ABCA4: variants seen among roughly 807,000 people sequenced by gnomAD.
The protein encoded by ABCA4 is ATP binding cassette subfamily A member 4.
In ABCA4, 196 loss-of-function variants were observed where a neutral mutation model predicts 263.7. The observed-to-expected ratio is 0.74, with a 90% CI of 0.66 to 0.84. ABCA4 has a LOEUF of 0.84. Ranked by LOEUF, ABCA4 falls within the 40% of genes least tolerant of loss-of-function variation. The pLI is 0.00. For synonymous variants in ABCA4, 1,133 were observed against 1,094.2 expected (o/e 1.04, Z -0.70); for missense variants, 2,792 against 2,855.1 (o/e 0.98, Z 0.50).
intron 19 of ABCA4, among the ~76,000 whole-genome samples, chr1:94,046,413 G>A (rs1303752932): frequency 2.4e-5 from 3 of 125,684 alleles, no homozygotes; most frequent in Non-Finnish European, 4.7e-5. Flanking sequence ...AGTGAGCCAA[G>A]ATCGCACCAC....
At position 94,001,937 on chromosome 1, in the gene ABCA4, G is replaced by A. The variant is rs1243623408; in HGVS notation, c.6203C>T (p.Ala2068Val). ...LGLTVYADCL[A>V]GTYSGGNKRK... Reference sequence around the variant, plus strand: ...CTTGTTGCCCCCACTGTACGTGCCAGCCAGGCAGTCGGCGTAGACAGTCAG... The same window carrying A: ...CTTGTTGCCCCCACTGTACGTGCCAACCAGGCAGTCGGCGTAGACAGTCAG... Residue 2068 changes from alanine to valine, a missense_variant, in exon 45 of 50, where the codon GCT becomes GTT. Transcript: ENST00000370225. 1.2e-6 allele frequency: 2 copies of A among 1,614,084 alleles called. No individual in the cohort carries two copies. The highest frequency in any genetic ancestry group is 1.7e-6 in the Non-Finnish European group (2 of 1,180,046).
rs1306685675 is a variant in ABCA4, at chr1:94,036,799, G to T, written c.3814-11C>A. On this transcript the variant is annotated splice_polypyrimidine_tract_variant and intron_variant, in intron 25 of 49. Coordinates refer to ENST00000370225, the MANE Select transcript of ABCA4 (RefSeq NM_000350.3). ...GACCTTCAGAAAAATCTGTCAAGAA[G>T]AAAAAAAGAGAGAATTTTGTTTAGT... The T allele has an allele frequency of 1.2e-6, 2 of 1,613,206 alleles. No homozygotes were observed. The highest frequency in any genetic ancestry group is 2.7e-5 in the African/African-American group (2 of 74,856).
Position 93,998,030 on chromosome 1 carries a change from T to C in ABCA4, c.6560A>G (p.Gln2187Arg), listed in dbSNP as rs1339233014. 33 of 1,614,102 alleles carry C rather than the reference T, an allele frequency of 2.0e-5. No individual in the cohort carries two copies. In the Admixed American group the frequency reaches 5.5e-4, roughly 27 times the overall value. The change falls in exon 48 of 50, where the codon CAG (glutamine) becomes CGG (arginine). Residue 2187 changes from glutamine to arginine, a missense_variant. By Grantham distance (43) the Gln-to-Arg change is conservative. Coordinates refer to ENST00000370225, the MANE Select transcript of ABCA4 (RefSeq NM_000350.3). ...DLLPDLNPVEQFFQGNFPGSV... is the reference protein window; with the variant it reads ...DLLPDLNPVERFFQGNFPGSV... ...GCCTGGGAAGTTCCCCTGGAAGAAC[T>C]GCTCCACAGGGTTCAGGTCAGGAAG...
intron 6 of ABCA4, among the ~76,000 whole-genome samples, chr1:94,097,612 TG>T (rs1473684436): frequency 6.6e-6 from 1 of 152,232 alleles, no homozygotes; most frequent in Non-Finnish European, 1.5e-5. Flanking sequence ...TGGCCTACAA[TG>T]GTCTTCATCA....
rs1483927623 is a variant in ABCA4, at chr1:94,008,352, G to C, written c.5836-55C>G. On this transcript the variant is annotated intron_variant, in intron 41 of 49. Transcript: ENST00000370225. The stretch of plus-strand genomic sequence containing the variant: ...ACTGAGACAGGGTGAGAGCAAGGAG[G>C]GGAAGAGGGAACAAAGAGCAAAGGA... 1.9e-6 allele frequency: 3 copies of C among 1,552,226 alleles called. No homozygotes were observed. The African/African-American group carries it at 4.1e-5, about 21-fold the overall frequency.
intron 1 of ABCA4, among the ~76,000 whole-genome samples, chr1:94,117,000 T>C (rs1369328254): frequency 8.2e-6 from 1 of 122,150 alleles, no homozygotes; most frequent in Non-Finnish European, 1.8e-5. Flanking sequence ...CTTTCTTTCT[T>C]TCTTTCTTTC....
chr1:94,019,327 T>G, intron 36 of ABCA4: 1 of 482,952 alleles, frequency 2.1e-6, no homozygotes, highest in Non-Finnish European at 3.8e-6. Flanking sequence ...GACCCCTCAG[T>G]GCAGGACATA....
At chr1:94,069,575 T>C (rs1332980833) in intron 11 of ABCA4, among the ~76,000 whole-genome samples, 1 of 152,224 alleles carries the variant, frequency 6.6e-6, no homozygotes, top group Non-Finnish European at 1.5e-5. Flanking sequence ...GTGGCCCTGC[T>C]GGTGTCAAGG....
intron 4 of ABCA4, among the ~76,000 whole-genome samples, chr1:94,103,508 GGT>G (rs1374655033): frequency 2.6e-5 from 4 of 152,146 alleles, no homozygotes; most frequent in Admixed American, 2.0e-4. Context: ...GACATTTCTG[GGT>G]GTCACAACTG....
intron 40 of ABCA4, among the ~76,000 whole-genome samples, chr1:94,009,700 T>C (rs181629780): frequency 6.6e-6 from 1 of 152,304 alleles, no homozygotes; most frequent in South Asian, 2.1e-4. Flanking sequence ...GGGACTATGG[T>C]GTACTTCTCT....
intron 16 of ABCA4, among the ~76,000 whole-genome samples, chr1:94,053,558 C>T (rs970842105): frequency 6.6e-6 from 1 of 152,206 alleles, no homozygotes; most frequent in African/African-American, 2.4e-5. Flanking sequence ...AAGGTAGGCA[C>T]CTAATCCAAT....
At position 94,013,649 on chromosome 1, in the gene ABCA4, T is replaced by G. The variant is rs182968403; in HGVS notation, c.5460+894A>C. On this transcript the variant is annotated intron_variant, in intron 38 of 49. Coordinates refer to ENST00000370225, the MANE Select transcript of ABCA4 (RefSeq NM_000350.3). Reference sequence around the variant, plus strand: ...ACAGCCCTGCAGCGACTGCCTTCTTTTTTTCCCCCTCTTTTTATGATTCAG... The same window carrying G: ...ACAGCCCTGCAGCGACTGCCTTCTTGTTTTCCCCCTCTTTTTATGATTCAG... Among the ~76,000 whole-genome samples the G allele has an allele frequency of 5.9e-4, 90 of 152,212 alleles. 1 individual carries two copies. The highest frequency in any genetic ancestry group is 2.1e-3 in the African/African-American group (86 of 41,500).
intron 6 of ABCA4, among the ~76,000 whole-genome samples, chr1:94,092,308 T>C (rs1661989089): frequency 1.3e-5 from 2 of 152,180 alleles, no homozygotes; most frequent in South Asian, 4.1e-4. Flanking sequence ...GACAGAAGTG[T>C]GTGCTGCTGT....
intron 25 of ABCA4, 75 bp downstream of exon 25, chr1:94,037,070 G>T: frequency 6.7e-7 from 1 of 1,481,514 alleles, no homozygotes; most frequent in Non-Finnish European, 9.4e-7. Context: ...ACAAAACTTT[G>T]CTCTAATGTT....
Position 94,008,285 on chromosome 1 carries a change from T to C in ABCA4, c.5848A>G (p.Thr1950Ala). ...AGCCTGTCCACTGCTGGGCTGGAGG[T>C]GCCTGGATAAATCTGCAAGATACGA... Reference protein sequence around the residue: ...LHELTKIYPGTSSPAVDRLCV... With the variant: ...LHELTKIYPGASSPAVDRLCV... The change falls in exon 42 of 50, where the codon ACC (threonine) becomes GCC (alanine). Residue 1950 changes from threonine to alanine, a missense_variant. Transcript: ENST00000370225. 1 of 1,613,816 alleles carries C rather than the reference T, an allele frequency of 6.2e-7. No homozygotes were observed. Among genetic ancestry groups the C allele is most frequent in the Non-Finnish European group, 8.5e-7 (1 of 1,179,968 alleles).
At chr1:94,081,142 G>A (rs545615757) in intron 7 of ABCA4, among the ~76,000 whole-genome samples, 6 of 152,052 alleles carry the variant, frequency 3.9e-5, no homozygotes, top group East Asian at 1.9e-4. Flanking sequence ...GGAGAATGGC[G>A]TGAACCTGGG....
At chr1:94,028,589 G>A (rs17110894) in intron 30 of ABCA4, among the ~76,000 whole-genome samples, 5 of 152,192 alleles carry the variant, frequency 3.3e-5, no homozygotes, top group African/African-American at 9.6e-5. Flanking sequence ...CCTAAGTGGC[G>A]AATAATGGGA....
Position 94,044,071 on chromosome 1 carries a change from TTCTC to T in ABCA4, c.3050+538_3050+541del, listed in dbSNP as rs146620420. On this transcript the variant is annotated intron_variant, in intron 20 of 49. Coordinates refer to ENST00000370225, the MANE Select transcript of ABCA4 (RefSeq NM_000350.3). ...TCCCCTCCCTCCCTCCCTCGCTTCC[TTCTC>T]CCCTCCCTCCCTCCCTTCTTTCCTT... 0.93 allele frequency among the ~76,000 whole-genome samples: 128,566 copies of T among 138,542 alleles called. 60,364 individuals carry two copies. Among genetic ancestry groups the T allele is most frequent in the Non-Finnish European group, 1 (64,728 of 64,956 alleles). The allele number at this position is 138,542 out of a possible 152,430, so 90.9% of individuals were successfully genotyped here. A position where few individuals can be genotyped will look rare whatever the true frequency, so the allele number is the denominator to read the frequency against.
At chr1:94,061,049 C>T (rs1661111661) in intron 13 of ABCA4, among the ~76,000 whole-genome samples, 1 of 152,134 alleles carries the variant, frequency 6.6e-6, no homozygotes, top group African/African-American at 2.4e-5. Flanking sequence ...AAAGATCTTC[C>T]CTGTAAGGCC....
Sources: allele counts gnomAD v4.1 joint callset (sites outside exome capture counted in the v4.1 genomes callset), GRCh38; gene constraint gnomAD v4.1.1; transcripts MANE v1.5; gene names NCBI Gene and HGNC (gene_info 2026-07-23, HGNC 2026-07-21).